Variants in ANKH observed in about 807,000 individuals in gnomAD.
ANKH encodes mineralization regulator ANKH.
ANKH carries 15 observed loss-of-function variants against 49.0 expected under a neutral mutation model. The observed-to-expected ratio is 0.31, with a 90% CI of 0.20 to 0.47. The LOEUF (loss-of-function observed/expected upper bound fraction) is 0.47, where lower values mean the gene tolerates loss of function less well. ANKH is among the 20% of genes least tolerant of loss of function. ANKH has a pLI of 1.00. For missense variants in ANKH, 429 were observed against 652.0 expected (o/e 0.66, Z 3.72); for synonymous variants, 273 against 260.0 (o/e 1.05, Z -0.48).
intron 1 of ANKH, among the ~76,000 whole-genome samples, chr5:14,799,499 G>C (rs1166910020): frequency 6.6e-6 from 1 of 152,214 alleles, no homozygotes. Flanking sequence ...CAAAGGACAG[G>C]CTGATTCTCT....
intron 7 of ANKH, among the ~76,000 whole-genome samples, chr5:14,743,618 A>G (rs1268648802): frequency 6.6e-6 from 1 of 152,234 alleles, no homozygotes; most frequent in African/African-American, 2.4e-5. Context: ...TGGAGCCCAC[A>G]AAGAAGCTCA....
intron 1 of ANKH, among the ~76,000 whole-genome samples, chr5:14,803,513 C>T (rs1038665029): frequency 3.3e-5 from 5 of 152,204 alleles, no homozygotes; most frequent in African/African-American, 1.2e-4. Flanking sequence ...CTCCTGATCT[C>T]AAGTGATCCA....
intron 1 of ANKH, among the ~76,000 whole-genome samples, chr5:14,866,092 C>T (rs999736267): frequency 9.9e-5 from 15 of 152,178 alleles, no homozygotes; most frequent in Admixed American, 6.5e-4. Context: ...CTGCAACCTC[C>T]GCCTCCCAGG....
intron 1 of ANKH, among the ~76,000 whole-genome samples, chr5:14,784,399 TG>T (rs1230059866): frequency 6.6e-6 from 1 of 151,886 alleles, no homozygotes; most frequent in Non-Finnish European, 1.5e-5. Flanking sequence ...CTGAAGAGGG[TG>T]GGGCGGCAGG....
intron 1 of ANKH, among the ~76,000 whole-genome samples, chr5:14,852,242 A>G (rs1024381154): frequency 6.6e-6 from 1 of 152,228 alleles, no homozygotes; most frequent in Non-Finnish European, 1.5e-5. Context: ...TGATTGTGCC[A>G]CTGCACTCCA....
rs985130234 is a variant in ANKH, at chr5:14,745,098, A to G, written c.915+772T>C. 6.6e-6 allele frequency among the ~76,000 whole-genome samples: 1 copy of G among 152,224 alleles called. No individual in the cohort carries two copies. Among genetic ancestry groups the G allele is most frequent in the Non-Finnish European group, 1.5e-5 (1 of 68,034 alleles). On this transcript the variant is annotated intron_variant, in intron 7 of 11. Coordinates refer to ENST00000284268, the MANE Select transcript of ANKH (RefSeq NM_054027.6). This position sits in a 1 kb window ranked among gnomAD's most constrained non-coding sequence, Gnocchi z 4.7. ...GGCAGTGGCTGCTAGTTCTGCAGAC[A>G]TTCAAGGCACAACAGGTGCCCTTCA...
intron 8 of ANKH, among the ~76,000 whole-genome samples, chr5:14,723,735 T>C (rs1185142532): frequency 6.6e-6 from 1 of 152,218 alleles, no homozygotes; most frequent in Non-Finnish European, 1.5e-5. Flanking sequence ...AGACCAGCCA[T>C]TGACCGTGAA....
chr5:14,867,479 T>C lies in ANKH; in HGVS notation c.96+3873A>G, dbSNP rs981865269. Among the ~76,000 whole-genome samples the C allele has an allele frequency of 1.7e-4, 26 of 152,304 alleles. 1 individual carries two copies. The highest frequency in any genetic ancestry group is 1.4e-3 in the Admixed American group (22 of 15,302). On this transcript the variant is annotated intron_variant, in intron 1 of 11. Transcript: ENST00000284268. Reference sequence around the variant, plus strand: ...AATAATTCTAGATATACAATGATTGTAAAGTATTTTATATACCTATAGGGC... The same window carrying C: ...AATAATTCTAGATATACAATGATTGCAAAGTATTTTATATACCTATAGGGC...
At chr5:14,736,751 G>T (rs944901991) in intron 8 of ANKH, among the ~76,000 whole-genome samples, 3 of 152,150 alleles carry the variant, frequency 2.0e-5, no homozygotes, top group Non-Finnish European at 4.4e-5. Context: ...AGGGGTGCTG[G>T]GTATAGTCGT....
chr5:14,773,612 C>G (rs1248052907), intron 1 of ANKH, among the ~76,000 whole-genome samples: 1 of 152,180 alleles, frequency 6.6e-6, no homozygotes, highest in Non-Finnish European at 1.5e-5. Context: ...GAGTTGGAAT[C>G]TGCTTCTATC....
intron 4 of ANKH, among the ~76,000 whole-genome samples, chr5:14,752,197 C>T (rs1289995395): frequency 1.3e-5 from 2 of 152,080 alleles, no homozygotes; most frequent in African/African-American, 2.4e-5. Context: ...GTAGTCCTAG[C>T]TACTTTGGTA....
At chr5:14,818,309 C>T (rs1348570705) in intron 1 of ANKH, among the ~76,000 whole-genome samples, 1 of 151,988 alleles carries the variant, frequency 6.6e-6, no homozygotes, top group Non-Finnish European at 1.5e-5. Flanking sequence ...TCCTCCTCTC[C>T]CTCTTGGTGC....
intron 1 of ANKH, among the ~76,000 whole-genome samples, chr5:14,840,040 A>G (rs929235842): frequency 3.3e-5 from 5 of 152,266 alleles, no homozygotes; most frequent in Non-Finnish European, 5.9e-5. Context: ...ATCATCCGAT[A>G]ATAAGCAAAG....
At chr5:14,809,925 AC>A (rs1333541083) in intron 1 of ANKH, among the ~76,000 whole-genome samples, 4 of 152,026 alleles carry the variant, frequency 2.6e-5, no homozygotes, top group African/African-American at 9.7e-5. Context: ...GATTTTGCTC[AC>A]AAAGGAGCCT....
chr5:14,831,720 A>G (rs1475383302), intron 1 of ANKH, among the ~76,000 whole-genome samples: 1 of 152,122 alleles, frequency 6.6e-6, no homozygotes, highest in African/African-American at 2.4e-5. Flanking sequence ...TTCACCCAAA[A>G]CTTATTATCC....
chr5:14,775,134 C>G (rs986966225), intron 1 of ANKH, among the ~76,000 whole-genome samples: 5 of 152,094 alleles, frequency 3.3e-5, no homozygotes, highest in African/African-American at 1.2e-4. Context: ...ACAGCTCACC[C>G]TGCAGCCTCA....
At chr5:14,846,995 A>C (rs1243448554) in intron 1 of ANKH, among the ~76,000 whole-genome samples, 9 of 133,378 alleles carry the variant, frequency 6.7e-5, no homozygotes, top group Non-Finnish European at 9.5e-5. Context: ...GAAACAGTGT[A>C]AGACTGCCTC....
chr5:14,810,010 GCAC>G (rs1453462765), intron 1 of ANKH, among the ~76,000 whole-genome samples: 2 of 152,124 alleles, frequency 1.3e-5, no homozygotes, highest in East Asian at 3.9e-4. Flanking sequence ...TTCCCTGGTG[GCAC>G]TAGTGCCTGT....
intron 8 of ANKH, among the ~76,000 whole-genome samples, chr5:14,732,884 C>T (rs1270170937): frequency 6.6e-6 from 1 of 152,168 alleles, no homozygotes; most frequent in East Asian, 1.9e-4. Flanking sequence ...CTAAATCCCT[C>T]TGCCTCCATC....
Sources: allele counts gnomAD v4.1 joint callset (sites outside exome capture counted in the v4.1 genomes callset), GRCh38; gene constraint gnomAD v4.1.1; non-coding constraint Gnocchi (gnomAD v3.1); transcripts MANE v1.5; gene names NCBI Gene and HGNC (gene_info 2026-07-23, HGNC 2026-07-21).